Variants in DCC observed in about 807,000 individuals in gnomAD.
DCC encodes the protein netrin receptor DCC.
In DCC, 58 loss-of-function variants were observed where a neutral mutation model predicts 172.5. The ratio of observed to expected loss-of-function variants is 0.34; its 90% CI spans 0.27 to 0.42. The LOEUF is 0.42. DCC is among the 10% of genes least tolerant of loss of function. The pLI, the probability that DCC is intolerant of heterozygous loss-of-function variation, is 1.00. For synonymous variants in DCC, 709 were observed against 644.5 expected (o/e 1.10, Z -1.52); for missense variants, 1,740 against 1,791.0 (o/e 0.97, Z 0.51).
At chr18:52,723,154 G>T (rs1024454822) in intron 1 of DCC, among the ~76,000 whole-genome samples, 6 of 152,082 alleles carry the variant, frequency 3.9e-5, no homozygotes, top group Admixed American at 3.9e-4. Flanking sequence ...TTCATAGGAT[G>T]TTCTCTTTTG....
chr18:53,344,440 C>CT (rs71175582), intron 15 of DCC, among the ~76,000 whole-genome samples: 31,483 of 97,202 alleles, frequency 0.32, 6,446 homozygotes, highest in East Asian at 0.55. Flanking sequence ...TTTCGTTTTT[C>CT]TTTTTTTTTT....
At chr18:52,896,553 G>A (rs537220027) in intron 2 of DCC, among the ~76,000 whole-genome samples, 1 of 152,274 alleles carries the variant, frequency 6.6e-6, no homozygotes, top group Admixed American at 6.5e-5. Context: ...ATTTTAAGAA[G>A]AATCTAGAAA....
At chr18:53,132,669 G>A (rs1441871535) in intron 7 of DCC, among the ~76,000 whole-genome samples, 1 of 152,168 alleles carries the variant, frequency 6.6e-6, no homozygotes, top group Non-Finnish European at 1.5e-5. Context: ...GTGAAGAGCA[G>A]GAGAGAGTGG....
chr18:52,409,437 G>A (rs28698732), intron 1 of DCC, among the ~76,000 whole-genome samples: 35,413 of 151,974 alleles, frequency 0.23, 4,466 homozygotes, highest in East Asian at 0.39. Flanking sequence ...TTTTTTCTTA[G>A]CTTATAAAAC....
chr18:53,086,862 T>C (rs1339499799), intron 7 of DCC, among the ~76,000 whole-genome samples: 2 of 149,718 alleles, frequency 1.3e-5, no homozygotes, highest in Non-Finnish European at 3.0e-5. Context: ...TTTGGTTTTT[T>C]GTTCTTGCAA....
intron 1 of DCC, among the ~76,000 whole-genome samples, chr18:52,651,058 C>T (rs1324224075): frequency 6.6e-6 from 1 of 152,170 alleles, no homozygotes; most frequent in East Asian, 1.9e-4. Flanking sequence ...AAGATCATCA[C>T]CTCCTACCTT....
Position 52,907,068 on chromosome 18 carries a change from C to CA in DCC, c.697+741dup, listed in dbSNP as rs1412259593. The stretch of plus-strand genomic sequence containing the variant: ...TTACATTTCATCTACCAGGCAATAA[C>CA]AGAAGCAAAGCTAGCATTTATTCCC... On this transcript the variant is annotated intron_variant, in intron 3 of 28. Coordinates refer to ENST00000442544, the MANE Select transcript of DCC (RefSeq NM_005215.4). 4.0e-5 allele frequency among the ~76,000 whole-genome samples: 6 copies of CA among 151,520 alleles called. No individual in the cohort carries two copies. In the East Asian group the frequency reaches 1.2e-3, roughly 29 times the overall value.
chr18:53,322,964 A>G (rs1478370382), intron 14 of DCC, among the ~76,000 whole-genome samples: 2 of 152,100 alleles, frequency 1.3e-5, no homozygotes, highest in Non-Finnish European at 2.9e-5. Flanking sequence ...CTAAGTAATC[A>G]AAACTAGTGT....
Position 53,426,918 on chromosome 18 carries a change from T to C in DCC, c.3164-8226T>C, listed in dbSNP as rs553302329. On this transcript the variant is annotated intron_variant, in intron 21 of 28. Transcript: ENST00000442544. ...TGTTCTAGTGTTTTCAGACTGCAGCTGCAACTTCCAGATCTATAGTCACTT... is the reference window on the plus strand; with the variant it reads ...TGTTCTAGTGTTTTCAGACTGCAGCCGCAACTTCCAGATCTATAGTCACTT... Among the ~76,000 whole-genome samples, 83 of 152,262 alleles carry C rather than the reference T, an allele frequency of 5.5e-4. 1 individual carries two copies. The Middle Eastern group carries it at 0.024, about 44-fold the overall frequency.
At chr18:53,139,760 A>G (rs1254523417) in intron 7 of DCC, among the ~76,000 whole-genome samples, 1 of 152,120 alleles carries the variant, frequency 6.6e-6, no homozygotes, top group African/African-American at 2.4e-5. Context: ...TCTGGAATCT[A>G]CACTTAACCA....
chr18:52,399,221 C>T (rs1301333169), intron 1 of DCC, among the ~76,000 whole-genome samples: 2 of 151,702 alleles, frequency 1.3e-5, no homozygotes, highest in Non-Finnish European at 2.9e-5. Flanking sequence ...CTTTTCTGGA[C>T]AAAAGGAGGA....
intron 2 of DCC, among the ~76,000 whole-genome samples, chr18:52,841,145 G>A (rs1327280212): frequency 1.3e-5 from 2 of 151,882 alleles, no homozygotes; most frequent in Admixed American, 1.3e-4. Context: ...GATGGTGGAG[G>A]AAAAGCTTTT....
chr18:52,980,279 T>C (rs556817926), intron 5 of DCC, among the ~76,000 whole-genome samples: 2 of 152,246 alleles, frequency 1.3e-5, no homozygotes, highest in East Asian at 3.9e-4. Context: ...TTGAATTTTA[T>C]TTTATTTTTT....
intron 27 of DCC, among the ~76,000 whole-genome samples, chr18:53,507,495 A>G (rs1191866622): frequency 6.6e-6 from 1 of 152,228 alleles, no homozygotes. Context: ...CATGTTAAAC[A>G]TCTTGTGTGT....
At chr18:53,185,937 G>A (rs1364982252) in intron 9 of DCC, among the ~76,000 whole-genome samples, 1 of 152,136 alleles carries the variant, frequency 6.6e-6, no homozygotes, top group African/African-American at 2.4e-5. Flanking sequence ...ATTTACTTAA[G>A]TTAGTTAATC....
chr18:53,273,257 G>T (rs1168240780), intron 12 of DCC, among the ~76,000 whole-genome samples: 1 of 151,972 alleles, frequency 6.6e-6, no homozygotes, highest in Admixed American at 6.6e-5. Context: ...TTCATAATAT[G>T]AAATTATACA....
intron 1 of DCC, among the ~76,000 whole-genome samples, chr18:52,473,389 C>A (rs1050786260): frequency 6.6e-6 from 1 of 152,208 alleles, no homozygotes; most frequent in Non-Finnish European, 1.5e-5. Flanking sequence ...GATCCATTAC[C>A]TTCCTCCATT....
chr18:52,393,593 A>G lies in DCC; in HGVS notation c.91+52715A>G, dbSNP rs1050452770. ...TATCACCAGGAGCTTATTACAGATGAAAATTCCTGGAACAAAACCAAGCCC... is the reference window on the plus strand; with the variant it reads ...TATCACCAGGAGCTTATTACAGATGGAAATTCCTGGAACAAAACCAAGCCC... On this transcript the variant is annotated intron_variant, in intron 1 of 28. Coordinates refer to ENST00000442544, the MANE Select transcript of DCC (RefSeq NM_005215.4). Among the ~76,000 whole-genome samples, 42 of 152,244 alleles carry G rather than the reference A, an allele frequency of 2.8e-4. 1 individual carries two copies. The highest frequency in any genetic ancestry group is 2.0e-3 in the Admixed American group (31 of 15,286).
At chr18:52,505,473 CA>C (rs1203615257) in intron 1 of DCC, among the ~76,000 whole-genome samples, 2 of 152,002 alleles carry the variant, frequency 1.3e-5, no homozygotes, top group African/African-American at 4.8e-5. Flanking sequence ...ATTTTTAGAA[CA>C]AAATATGTAT....
Sources: allele counts gnomAD v4.1 joint callset (sites outside exome capture counted in the v4.1 genomes callset), GRCh38; gene constraint gnomAD v4.1.1; transcripts MANE v1.5; gene names NCBI Gene and HGNC (gene_info 2026-07-23, HGNC 2026-07-21).